Variants in ANKRD22 observed in about 807,000 individuals in gnomAD.
ANKRD22 encodes ankyrin repeat domain-containing protein 22.
Under a neutral mutation model 25.7 loss-of-function variants are expected in ANKRD22, and 24 were observed. The observed-to-expected ratio is 0.93, with a 90% confidence interval of 0.68 to 1.31. ANKRD22 has a LOEUF of 1.31. ANKRD22 is among the 50% of genes most tolerant of loss of function. ANKRD22 has a pLI of 0.00. For missense variants in ANKRD22, 214 were observed against 227.1 expected (o/e 0.94, Z 0.37); for synonymous variants, 84 against 84.3 (o/e 1.00, Z 0.02).
chr10:88,827,984 T>C (rs1843870430), intron 3 of ANKRD22, among the ~76,000 whole-genome samples: 1 of 152,260 alleles, frequency 6.6e-6, no homozygotes, highest in Non-Finnish European at 1.5e-5. Flanking sequence ...ACTCCTCATA[T>C]GACTGCATCT....
chr10:88,828,295 A>G (rs1843873359), intron 3 of ANKRD22, among the ~76,000 whole-genome samples: 1 of 152,234 alleles, frequency 6.6e-6, no homozygotes, highest in Non-Finnish European at 1.5e-5. Flanking sequence ...TCCCTTCAGA[A>G]AAGTCTTAGT....
At chr10:88,837,158 G>A (rs1448519365) in intron 1 of ANKRD22, among the ~76,000 whole-genome samples, 1 of 152,118 alleles carries the variant, frequency 6.6e-6, no homozygotes, top group African/African-American at 2.4e-5. Context: ...AAACTCTCTG[G>A]GTTCCAATCT....
At chr10:88,840,847 T>G (rs979440939) in intron 1 of ANKRD22, among the ~76,000 whole-genome samples, 1 of 152,146 alleles carries the variant, frequency 6.6e-6, no homozygotes, top group African/African-American at 2.4e-5. Context: ...CATACTGTAT[T>G]TTATAAATTC....
At chr10:88,827,934 T>TG (rs1424986867) in intron 3 of ANKRD22, among the ~76,000 whole-genome samples, 1 of 152,134 alleles carries the variant, frequency 6.6e-6, no homozygotes, top group African/African-American at 2.4e-5. Flanking sequence ...GTTACCCTAT[T>TG]GGGAAAAAAA....
In ANKRD22 at chr10:88,821,448, T is replaced by G. The variant is rs548617652; in HGVS notation, c.*1493A>C. On this transcript the variant is annotated 3_prime_UTR_variant, in exon 6 of 6. Coordinates refer to ENST00000371930, the MANE Select transcript of ANKRD22 (RefSeq NM_144590.3). Reference sequence around the variant, plus strand: ...TACATTGGTACTATTTTGCAAAATCTCTGAAACCAAATCAAAGGTTTGTGT... The same window carrying G: ...TACATTGGTACTATTTTGCAAAATCGCTGAAACCAAATCAAAGGTTTGTGT... 6.6e-6 allele frequency among the ~76,000 whole-genome samples: 1 copy of G among 152,362 alleles called. No individual in the cohort carries two copies. Among genetic ancestry groups the G allele is most frequent in the East Asian group, 1.9e-4 (1 of 5,192 alleles).
At chr10:88,841,985 T>A (rs1844007373) in intron 1 of ANKRD22, among the ~76,000 whole-genome samples, 1 of 152,124 alleles carries the variant, frequency 6.6e-6, no homozygotes, top group Non-Finnish European at 1.5e-5. Flanking sequence ...ATTTTACCTT[T>A]TGACATCCCA....
intron 1 of ANKRD22, among the ~76,000 whole-genome samples, chr10:88,840,516 C>A (rs190224632): frequency 3.9e-4 from 60 of 152,214 alleles, no homozygotes; most frequent in Non-Finnish European, 7.4e-4. Context: ...CTGTAATTCC[C>A]AATCTAAGGA....
In ANKRD22 at chr10:88,825,011, T is replaced by TCTCTCA. The variant is rs1420247268; in HGVS notation, c.399+1026_399+1027insTGAGAG. Among the ~76,000 whole-genome samples the TCTCTCA allele has an allele frequency of 4.9e-3, 549 of 111,490 alleles. 1 individual carries two copies. The highest frequency in any genetic ancestry group is 8.3e-3 in the Non-Finnish European group (403 of 48,802). The allele number at this position is 111,490 out of a possible 152,430, so 73.1% of individuals were successfully genotyped here. On this transcript the variant is annotated intron_variant, in intron 4 of 5. Coordinates refer to ENST00000371930, the MANE Select transcript of ANKRD22 (RefSeq NM_144590.3). ...CTCTCTCTCTCTCTCTCTCTCTCTC[T>TCTCTCA]CACACACACACACACACACACACAC...
intron 1 of ANKRD22, among the ~76,000 whole-genome samples, chr10:88,845,568 A>T (rs1281049099): frequency 6.6e-6 from 1 of 152,116 alleles, no homozygotes; most frequent in African/African-American, 2.4e-5. Flanking sequence ...TTCCCATCTC[A>T]TCAGCACCAC....
chr10:88,847,084 T>C (rs998184805), intron 1 of ANKRD22, among the ~76,000 whole-genome samples: 4 of 152,192 alleles, frequency 2.6e-5, no homozygotes, highest in Non-Finnish European at 4.4e-5. Flanking sequence ...TTAAGTGGCA[T>C]GTGTTCTTTG....
chr10:88,839,000 A>G (rs1396024301), intron 1 of ANKRD22, among the ~76,000 whole-genome samples: 2 of 152,196 alleles, frequency 1.3e-5, no homozygotes, highest in East Asian at 3.9e-4. Flanking sequence ...CAACCTGAAA[A>G]GCTAAGACAC....
rs1261195946 is a variant in ANKRD22, at chr10:88,823,379, C to A, written c.400-1G>T. 6.2e-7 allele frequency: 1 copy of A among 1,613,194 alleles called. No homozygotes were observed. The highest frequency in any genetic ancestry group is 1.7e-5 in the Admixed American group (1 of 60,012). ...CATAATGTAATGCGGTACAGCCATA[C>A]TGAAACACAAAGGGCCAAAACTTCA... On this transcript the variant is annotated splice_acceptor_variant, in intron 4 of 5. Transcript: ENST00000371930. LOFTEE classifies it high-confidence loss of function.
chr10:88,836,930 G>A (rs1196936658), intron 1 of ANKRD22, among the ~76,000 whole-genome samples: 2 of 152,228 alleles, frequency 1.3e-5, no homozygotes. Context: ...TTTTCATACA[G>A]TGATGGGGCT....
At chr10:88,847,797 C>T (rs1388743035) in intron 1 of ANKRD22, among the ~76,000 whole-genome samples, 1 of 151,800 alleles carries the variant, frequency 6.6e-6, no homozygotes, top group East Asian at 1.9e-4. Flanking sequence ...AAAAAAGACA[C>T]ACACAGAGAA....
chr10:88,839,575 A>G (rs1188899189), intron 1 of ANKRD22, among the ~76,000 whole-genome samples: 1 of 152,152 alleles, frequency 6.6e-6, no homozygotes, highest in African/African-American at 2.4e-5. Flanking sequence ...AGCAGGAAAT[A>G]TACAGAACCT....
In ANKRD22 at chr10:88,848,287, T is replaced by C. The variant is rs1270720247; in HGVS notation, c.21+3300A>G. On this transcript the variant is annotated intron_variant, in intron 1 of 5. Coordinates refer to ENST00000371930, the MANE Select transcript of ANKRD22 (RefSeq NM_144590.3). ...CAATAAATATGGTTGATTAAACAAA[T>C]GGATGGGTGAATGAATAAATAAATA... Among the ~76,000 whole-genome samples the C allele has an allele frequency of 3.3e-5, 5 of 151,218 alleles. No individual in the cohort carries two copies. In the East Asian group the frequency reaches 7.7e-4, roughly 23 times the overall value.
intron 1 of ANKRD22, among the ~76,000 whole-genome samples, chr10:88,848,704 C>T (rs1411351950): frequency 6.6e-6 from 1 of 152,156 alleles, no homozygotes; most frequent in Non-Finnish European, 1.5e-5. Context: ...GACTTCCTCT[C>T]AAATCCCTTG....
At chr10:88,823,776 C>G (rs1195259707) in intron 4 of ANKRD22, among the ~76,000 whole-genome samples, 1 of 144,980 alleles carries the variant, frequency 6.9e-6, no homozygotes, top group Non-Finnish European at 1.5e-5. Context: ...TGCAGTGAGC[C>G]GAGATTGCGC....
intron 1 of ANKRD22, among the ~76,000 whole-genome samples, chr10:88,833,939 C>T (rs909531509): frequency 2.6e-5 from 4 of 152,222 alleles, no homozygotes; most frequent in Non-Finnish European, 4.4e-5. Flanking sequence ...CTACCTCCCC[C>T]GGTGACTGTG....
Sources: gnomAD v4.1 joint callset for allele counts (sites outside exome capture counted in the v4.1 genomes callset) on GRCh38, gnomAD v4.1.1 for gene constraint, MANE v1.5 for transcripts, NCBI Gene and HGNC (gene_info 2026-07-23, HGNC 2026-07-21) for gene names.